Variants in OTC observed in about 807,000 individuals in gnomAD.
The protein encoded by OTC is ornithine transcarbamylase, mitochondrial.
Under a neutral mutation model 30.3 loss-of-function variants are expected in OTC, and 3 were observed. The ratio of observed to expected loss-of-function variants is 0.10; its 90% CI spans 0.05 to 0.26. The LOEUF (loss-of-function observed/expected upper bound fraction) is 0.26, where lower values mean the gene tolerates loss of function less well. Ranked by LOEUF, OTC falls within the 10% of genes least tolerant of loss-of-function variation. The probability of loss-of-function intolerance (pLI) is 1.00; values close to 1 mark genes in which losing one functional copy is unlikely to be tolerated. For synonymous variants in OTC, 111 were observed against 99.7 expected (o/e 1.11, Z -0.67); for missense variants, 194 against 260.3 (o/e 0.75, Z 1.75).
intron 4 of OTC, among the ~76,000 whole-genome samples, chrX:38,389,042 T>G (rs1204543234): frequency 8.9e-6 from 1 of 111,895 alleles, no homozygotes; most frequent in Admixed American, 9.5e-5. Flanking sequence ...TTCCTTGGCA[T>G]CACCCCAAAC....
At chrX:38,360,659 G>A (rs1256238846) in intron 1 of OTC, among the ~76,000 whole-genome samples, 1 of 111,465 alleles carries the variant, frequency 9.0e-6, no homozygotes, top group Non-Finnish European at 1.9e-5. Context: ...AGTACAGGCA[G>A]CCCCTCCTTT....
At chrX:38,397,688 A>G (rs1159796381) in intron 4 of OTC, among the ~76,000 whole-genome samples, 5 of 111,556 alleles carry the variant, frequency 4.5e-5, no homozygotes, top group Non-Finnish European at 9.4e-5. Flanking sequence ...GATTTCAGCA[A>G]TTACTAAGAG....
At chrX:38,336,414 A>G in the OTC span, among the ~76,000 whole-genome samples, 1 of 108,782 alleles carries the variant, frequency 9.2e-6, no homozygotes, top group Non-Finnish European at 1.9e-5. Context: ...ATGAGAGCTC[A>G]TTGATGTAGC....
intron 1 of OTC, among the ~76,000 whole-genome samples, chrX:38,353,334 A>C (rs1602008939): frequency 8.9e-6 from 1 of 111,817 alleles, no homozygotes; most frequent in African/African-American, 3.3e-5. Flanking sequence ...AAAAGTTTAC[A>C]TCCTGCTTAC....
intron 1 of OTC, among the ~76,000 whole-genome samples, chrX:38,366,609 T>C (rs1204661589): frequency 8.9e-6 from 1 of 112,234 alleles, no homozygotes; most frequent in African/African-American, 3.2e-5. Flanking sequence ...AATAATTTTA[T>C]GCTCACAACA....
chrX:38,342,005 A>T, the OTC span, among the ~76,000 whole-genome samples: 9 of 66,938 alleles, frequency 1.3e-4, no homozygotes, highest in African/African-American at 3.4e-4. Flanking sequence ...ATTTTCTTAA[A>T]TTTCACTTTT....
At chrX:38,377,618 T>C (rs1277849287) in intron 3 of OTC, among the ~76,000 whole-genome samples, 4 of 112,153 alleles carry the variant, frequency 3.6e-5, no homozygotes, top group African/African-American at 1.3e-4. Flanking sequence ...CTATCAACTC[T>C]CACCCAGATT....
chrX:38,368,097 C>T (rs1262073809), intron 2 of OTC, among the ~76,000 whole-genome samples: 2 of 83,540 alleles, frequency 2.4e-5, no homozygotes, highest in Non-Finnish European at 4.5e-5. Context: ...CGCAGTGGCT[C>T]ATGCCTGTAA....
chrX:38,408,244 G>T (rs1185615268), intron 6 of OTC, among the ~76,000 whole-genome samples: 1 of 111,934 alleles, frequency 8.9e-6, no homozygotes, highest in African/African-American at 3.3e-5. Flanking sequence ...GGTGTGTAAT[G>T]GGGGAGGGGG....
intron 9 of OTC, 152 bp from the exon 10 acceptor site, chrX:38,420,871 A>G: frequency 2.2e-6 from 1 of 453,608 alleles, no homozygotes; most frequent in South Asian, 3.0e-5. Context: ...ATAAATAAAT[A>G]TTAGTTCAGA....
intron 3 of OTC, among the ~76,000 whole-genome samples, chrX:38,370,384 G>A (rs2147325315): frequency 9.0e-6 from 1 of 111,596 alleles, no homozygotes; most frequent in Admixed American, 9.5e-5. Context: ...GACATGTAGG[G>A]GTATGGGGAT....
At chrX:38,339,014 A>G in the OTC span, among the ~76,000 whole-genome samples, 1 of 112,079 alleles carries the variant, frequency 8.9e-6, no homozygotes, top group African/African-American at 3.2e-5. Context: ...AGGGAGTAAT[A>G]CTTTACACTA....
At chrX:38,337,425 T>C in the OTC span, among the ~76,000 whole-genome samples, 3 of 112,175 alleles carry the variant, frequency 2.7e-5, no homozygotes, top group Non-Finnish European at 5.6e-5. Flanking sequence ...AAAGTCCATC[T>C]ACATTTTTCT....
intron 4 of OTC, among the ~76,000 whole-genome samples, chrX:38,400,008 A>G (rs990668411): frequency 2.7e-5 from 3 of 111,930 alleles, no homozygotes; most frequent in African/African-American, 9.7e-5. Flanking sequence ...AGAATTATAT[A>G]GTAAATTTCA....
rs760471873 is a variant in OTC at position 38,405,742 on chromosome X, C to T, written c.663+2002C>T. On this transcript the variant is annotated intron_variant, in intron 6 of 9. Coordinates refer to ENST00000039007, the MANE Select transcript of OTC (RefSeq NM_000531.6). ...CAACAGATAATTCTCCTCTTTTATT[C>T]AGCGTGAACTGAAATAAGGGTCAGA... Among the ~76,000 whole-genome samples the T allele has an allele frequency of 1.7e-3, 195 of 111,797 alleles. 1 individual carries two copies. The highest frequency in any genetic ancestry group is 2.9e-3 in the Non-Finnish European group (152 of 53,121).
At chrX:38,368,323 G>A (rs143032831) in intron 2 of OTC, among the ~76,000 whole-genome samples, 228 of 111,720 alleles carry the variant, frequency 2.0e-3, no homozygotes, top group Non-Finnish European at 3.8e-3. Context: ...TCGTGCCATT[G>A]CTGTCCAGCC....
At chrX:38,331,452 T>TG in the OTC span, among the ~76,000 whole-genome samples, 2 of 76,937 alleles carry the variant, frequency 2.6e-5, no homozygotes, top group African/African-American at 9.0e-5. Context: ...GTTTTTTTTT[T>TG]TTGTTTGTTT....
chrX:38,383,470 A>G (rs747306091), intron 4 of OTC, among the ~76,000 whole-genome samples: 1 of 111,915 alleles, frequency 8.9e-6, no homozygotes, highest in Non-Finnish European at 1.9e-5. Flanking sequence ...TGCTGCTTCT[A>G]TTCAGCCCAC....
the OTC span, among the ~76,000 whole-genome samples, chrX:38,342,598 A>T: frequency 8.9e-6 from 1 of 111,911 alleles, no homozygotes; most frequent in South Asian, 3.7e-4. Context: ...TGATTCGCTT[A>T]CTTCTTAATG....
Sources: allele counts gnomAD v4.1 joint callset (sites outside exome capture counted in the v4.1 genomes callset), GRCh38; gene constraint gnomAD v4.1.1; transcripts MANE v1.5; gene names NCBI Gene and HGNC (gene_info 2026-07-23, HGNC 2026-07-21).